The following ADCK1 variants were observed in gnomAD, a reference collection of about 807,000 sequenced individuals.
The protein encoded by ADCK1 is aarF domain-containing protein kinase 1.
In ADCK1, 41 loss-of-function variants were observed where a neutral mutation model predicts 52.3. That is an observed-to-expected ratio of 0.78 (90% CI 0.61 to 1.02). ADCK1 has a LOEUF of 1.02. ADCK1 is among the 50% of genes least tolerant of loss of function. The pLI, the probability that ADCK1 is intolerant of heterozygous loss-of-function variation, is 0.00. For synonymous variants in ADCK1, 250 were observed against 274.6 expected (o/e 0.91, Z 0.89); for missense variants, 658 against 679.5 (o/e 0.97, Z 0.35).
chr14:77,827,834 C>CT (rs33940923), intron 3 of ADCK1: 173,413 of 384,874 alleles, frequency 0.45, 22,070 homozygotes, highest in Admixed American at 0.5. Context: ...TTTTAAAAGG[C>CT]TTTTTTTTTT....
chr14:77,881,935 G>A (rs2083033969), intron 4 of ADCK1, among the ~76,000 whole-genome samples: 1 of 152,214 alleles, frequency 6.6e-6, no homozygotes, highest in Non-Finnish European at 1.5e-5. Flanking sequence ...AGAGGGGCAG[G>A]AATTGCAGCA....
At position 77,925,852 on chromosome 14, in the gene ADCK1, A is replaced by G. The variant is rs760721163; in HGVS notation, c.1097A>G (p.Gln366Arg). The G allele has an allele frequency of 9.9e-5, 159 of 1,614,108 alleles. No individual in the cohort carries two copies. The highest frequency in any genetic ancestry group is 1.3e-4 in the Non-Finnish European group (150 of 1,180,052). ...TDMKRVKEYS[Q>R]RLGAGDLYPL... is the part of the protein sequence containing the mutation. ...ATGAAGAGAGTGAAGGAGTACAGCC[A>G]GCGACTGGGAGCCGGGGATCTCTAC... The change falls in exon 9 of 11, where the codon CAG becomes CGG. Residue 366 changes from glutamine to arginine, a missense_variant. Coordinates refer to ENST00000238561, the MANE Select transcript of ADCK1 (RefSeq NM_020421.4).
chr14:77,928,775 A>G (rs911778756), intron 9 of ADCK1, among the ~76,000 whole-genome samples: 1 of 152,090 alleles, frequency 6.6e-6, no homozygotes, highest in African/African-American at 2.4e-5. Flanking sequence ...TTGCATTCTT[A>G]TTTATTGATA....
At chr14:77,888,860 G>A (rs1036376518) in intron 5 of ADCK1, among the ~76,000 whole-genome samples, 4 of 152,068 alleles carry the variant, frequency 2.6e-5, no homozygotes, top group Admixed American at 6.5e-5. Flanking sequence ...CCCTATATAC[G>A]CTGTTTCTTC....
rs571038255 is a variant in ADCK1 at position 77,814,275 on chromosome 14, C to T, written c.-11-4693C>T. ...TGTATTTTTTGTAGCGATGGGGTTT[C>T]GCTATGTTGCCTAGGCTGGTCTTGA... On this transcript the variant is annotated intron_variant, in intron 1 of 10. Coordinates refer to ENST00000238561, the MANE Select transcript of ADCK1 (RefSeq NM_020421.4). Among the ~76,000 whole-genome samples, 124 of 150,908 alleles carry T rather than the reference C, an allele frequency of 8.2e-4. 1 individual carries two copies. The South Asian group carries it at 0.017, about 20-fold the overall frequency.
intron 6 of ADCK1, among the ~76,000 whole-genome samples, chr14:77,899,714 A>C (rs2083489633): frequency 3.3e-5 from 5 of 152,172 alleles, no homozygotes; most frequent in Admixed American, 2.6e-4. Flanking sequence ...GTTATGGAAA[A>C]TCACATAAGA....
chr14:77,832,848 C>T (rs1450666509), intron 3 of ADCK1, among the ~76,000 whole-genome samples: 1 of 152,180 alleles, frequency 6.6e-6, no homozygotes, highest in Non-Finnish European at 1.5e-5. Context: ...GCAAAGGGAA[C>T]TGTAGCAATG....
At chr14:77,867,603 A>G (rs1258995032) in intron 4 of ADCK1, among the ~76,000 whole-genome samples, 1 of 152,156 alleles carries the variant, frequency 6.6e-6, no homozygotes, top group Admixed American at 6.5e-5. Context: ...GCACGGACGG[A>G]TGGCCTGCTG....
At chr14:77,879,555 T>G (rs2082975004) in intron 4 of ADCK1, among the ~76,000 whole-genome samples, 1 of 151,636 alleles carries the variant, frequency 6.6e-6, no homozygotes, top group Admixed American at 6.6e-5. Context: ...GGGAGGAGGG[T>G]GGGGCAGGAG....
chr14:77,897,724 T>C (rs2083441994), intron 5 of ADCK1, among the ~76,000 whole-genome samples: 2 of 152,200 alleles, frequency 1.3e-5, no homozygotes, highest in South Asian at 4.1e-4. Flanking sequence ...GTACAGAAAG[T>C]ATAGAAAATA....
intron 3 of ADCK1, among the ~76,000 whole-genome samples, chr14:77,848,854 C>T (rs575843607): frequency 6.7e-6 from 1 of 149,512 alleles, no homozygotes; most frequent in Non-Finnish European, 1.5e-5. Context: ...GAGACGGAGT[C>T]TCACTCTGTC....
intron 3 of ADCK1, among the ~76,000 whole-genome samples, chr14:77,857,613 A>G (rs1179584564): frequency 6.6e-6 from 1 of 152,192 alleles, no homozygotes; most frequent in Non-Finnish European, 1.5e-5. Context: ...TGTGGGAGCT[A>G]AAACAAAAAC....
At chr14:77,900,354 A>G (rs2083507116) in intron 6 of ADCK1, among the ~76,000 whole-genome samples, 1 of 151,996 alleles carries the variant, frequency 6.6e-6, no homozygotes, top group African/African-American at 2.4e-5. Context: ...TGGGAGGCGG[A>G]GGTGGGCAGA....
chr14:77,919,372 G>A (rs1271984480), intron 7 of ADCK1, among the ~76,000 whole-genome samples: 2 of 152,180 alleles, frequency 1.3e-5, no homozygotes, highest in African/African-American at 2.4e-5. Flanking sequence ...ACTTCACTTA[G>A]AATAATGGTC....
chr14:77,818,924 A>G, intron 1 of ADCK1, 44 bp from the exon 2 acceptor site: 1 of 1,600,728 alleles, frequency 6.2e-7, no homozygotes, highest in South Asian at 1.1e-5. Context: ...CTAACTATGA[A>G]ACTTTTAACT....
intron 1 of ADCK1, among the ~76,000 whole-genome samples, chr14:77,818,132 G>A (rs2081502877): frequency 6.6e-6 from 1 of 152,202 alleles, no homozygotes; most frequent in Non-Finnish European, 1.5e-5. Context: ...CGCCATTTTG[G>A]CTGTGGCCTG....
intron 7 of ADCK1, chr14:77,914,506 T>C (rs2083871067): frequency 1.0e-6 from 1 of 985,336 alleles, no homozygotes; most frequent in African/African-American, 1.7e-5. Context: ...GTGCAAGCAC[T>C]GAGTGCACTT....
At chr14:77,862,116 T>C (rs112854511) in intron 4 of ADCK1, among the ~76,000 whole-genome samples, 49 of 152,290 alleles carry the variant, frequency 3.2e-4, no homozygotes, top group African/African-American at 1.1e-3. Flanking sequence ...AAAAAGCAGT[T>C]GTGTGTGTGT....
At chr14:77,838,650 G>C (rs1198697659) in intron 3 of ADCK1, among the ~76,000 whole-genome samples, 1 of 152,132 alleles carries the variant, frequency 6.6e-6, no homozygotes, top group Non-Finnish European at 1.5e-5. Context: ...CACCTGCCTT[G>C]GCCTACCAAG....
Sources: gnomAD v4.1 joint callset for allele counts (sites outside exome capture counted in the v4.1 genomes callset) on GRCh38, gnomAD v4.1.1 for gene constraint, MANE v1.5 for transcripts, NCBI Gene and HGNC (gene_info 2026-07-23, HGNC 2026-07-21) for gene names.